The following DCT variants were observed in gnomAD, a reference collection of about 807,000 sequenced individuals.
DCT encodes the protein L-dopachrome tautomerase.
DCT carries 47 observed loss-of-function variants against 53.0 expected under a neutral mutation model. That is an observed-to-expected ratio of 0.89 (90% confidence interval 0.70 to 1.13). The LOEUF (loss-of-function observed/expected upper bound fraction) is 1.13, where lower values mean the gene tolerates loss of function less well. Among genes scored for constraint, DCT ranks in the 50% most tolerant of loss-of-function variants. The pLI, the probability that DCT is intolerant of heterozygous loss-of-function variation, is 0.00. For missense variants in DCT, 669 were observed against 637.4 expected (o/e 1.05, Z -0.53); for synonymous variants, 244 against 237.0 (o/e 1.03, Z -0.27).
At chr13:94,441,695 G>A (rs542484312) in intron 7 of DCT, among the ~76,000 whole-genome samples, 1 of 152,264 alleles carries the variant, frequency 6.6e-6, no homozygotes, top group African/African-American at 2.4e-5. Context: ...TTTTGAGGCT[G>A]AATAATATTC....
the DCT span, among the ~76,000 whole-genome samples, chr13:94,529,584 G>A: frequency 6.6e-6 from 1 of 152,184 alleles, no homozygotes; most frequent in Non-Finnish European, 1.5e-5. Flanking sequence ...GATGTCCTTT[G>A]AAACCAATGA....
At chr13:94,547,123 CT>C in the DCT span, among the ~76,000 whole-genome samples, 446 of 148,238 alleles carry the variant, frequency 3.0e-3, 1 homozygote, top group African/African-American at 0.011. Context: ...TGCTTCTAAA[CT>C]TTTTTTTTTT....
chr13:94,441,719 T>C (rs562175808), intron 7 of DCT, among the ~76,000 whole-genome samples: 6 of 152,358 alleles, frequency 3.9e-5, no homozygotes, highest in Admixed American at 2.6e-4. Flanking sequence ...TGTATGTATG[T>C]ACCACATTTT....
intron 2 of DCT, chr13:94,467,728 A>G (rs150561877): frequency 6.6e-6 from 1 of 152,200 alleles, no homozygotes; most frequent in African/African-American, 2.4e-5. Context: ...ACGAGAGGGT[A>G]TCAATTGAAG....
intron 1 of DCT, among the ~76,000 whole-genome samples, chr13:94,477,501 G>A (rs1885169926): frequency 6.6e-6 from 1 of 152,142 alleles, no homozygotes; most frequent in South Asian, 2.1e-4. Context: ...AGGGGAGGGA[G>A]GGAGGGGTCA....
chr13:94,470,206 C>A (rs542410498), intron 1 of DCT, among the ~76,000 whole-genome samples: 1 of 152,296 alleles, frequency 6.6e-6, no homozygotes, highest in South Asian at 2.1e-4. Flanking sequence ...ACTTATTTCA[C>A]GAAGTTGACA....
chr13:94,502,860 C>T, the DCT span, among the ~76,000 whole-genome samples: 1 of 152,176 alleles, frequency 6.6e-6, no homozygotes, highest in African/African-American at 2.4e-5. Context: ...GACTTCCAGC[C>T]ACTGTGAGCC....
the DCT span, among the ~76,000 whole-genome samples, chr13:94,511,205 G>A: frequency 6.6e-6 from 1 of 152,102 alleles, no homozygotes; most frequent in East Asian, 1.9e-4. Flanking sequence ...ATTCCCACCT[G>A]AGAAATGGGG....
the DCT span, among the ~76,000 whole-genome samples, chr13:94,545,781 G>C: frequency 6.6e-6 from 1 of 152,028 alleles, no homozygotes; most frequent in South Asian, 2.1e-4. Flanking sequence ...AGCGGTGTGT[G>C]TATTTTTTTA....
the DCT span, among the ~76,000 whole-genome samples, chr13:94,510,489 T>C: frequency 6.6e-6 from 1 of 152,200 alleles, no homozygotes; most frequent in Non-Finnish European, 1.5e-5. Context: ...AAGAAAAGCA[T>C]GTGAAGTGAC....
intron 3 of DCT, 141 bp from the exon 4 acceptor site, chr13:94,465,940 CTG>C: frequency 3.7e-6 from 1 of 267,418 alleles, no homozygotes; most frequent in Non-Finnish European, 6.5e-6. Context: ...AATGAAGAAA[CTG>C]TGACATAAAT....
At chr13:94,498,773 A>G in the DCT span, among the ~76,000 whole-genome samples, 1 of 152,250 alleles carries the variant, frequency 6.6e-6, no homozygotes, top group Admixed American at 6.5e-5. Flanking sequence ...TGCACCAATC[A>G]GTGCTCTGTG....
At chr13:94,533,843 G>A in the DCT span, among the ~76,000 whole-genome samples, 2 of 152,316 alleles carry the variant, frequency 1.3e-5, no homozygotes, top group African/African-American at 4.8e-5. Flanking sequence ...GAATTGGCCA[G>A]TAGGTCATTG....
chr13:94,515,841 C>A, the DCT span, among the ~76,000 whole-genome samples: 1 of 152,038 alleles, frequency 6.6e-6, no homozygotes, highest in African/African-American at 2.4e-5. Context: ...GGGTAGGCGA[C>A]GTGATCTCCA....
chr13:94,514,338 C>T, the DCT span, among the ~76,000 whole-genome samples: 7 of 152,188 alleles, frequency 4.6e-5, no homozygotes, highest in East Asian at 1.9e-4. Context: ...CAATGGGGTT[C>T]ACTACATTTG....
intron 6 of DCT, among the ~76,000 whole-genome samples, chr13:94,457,805 G>A (rs543754144): frequency 6.6e-6 from 1 of 152,228 alleles, no homozygotes; most frequent in South Asian, 2.1e-4. Context: ...GCACTTTTGG[G>A]GATTGGCTGC....
At chr13:94,478,040 G>C (rs2139379527) in intron 1 of DCT, among the ~76,000 whole-genome samples, 1 of 152,246 alleles carries the variant, frequency 6.6e-6, no homozygotes, top group East Asian at 1.9e-4. Context: ...CAAAGCAACA[G>C]GTAATGAGAG....
At chr13:94,469,778 C>G (rs1453914850) in intron 1 of DCT, among the ~76,000 whole-genome samples, 2 of 152,112 alleles carry the variant, frequency 1.3e-5, no homozygotes. Flanking sequence ...AAAGATGAAA[C>G]CAAAATAAAT....
the DCT span, among the ~76,000 whole-genome samples, chr13:94,521,781 C>G: frequency 1.4e-4 from 22 of 152,194 alleles, no homozygotes; most frequent in African/African-American, 5.1e-4. Context: ...ATAAGACTCA[C>G]TCATTTTAAA....
Sources: allele counts gnomAD v4.1 joint callset (sites outside exome capture counted in the v4.1 genomes callset), GRCh38; gene constraint gnomAD v4.1.1; transcripts MANE v1.5; gene names NCBI Gene and HGNC (gene_info 2026-07-23, HGNC 2026-07-21).